CERK: variants seen among roughly 807,000 people sequenced by gnomAD.
CERK encodes acylsphingosine kinase.
A neutral mutation model predicts 63.4 loss-of-function variants in CERK; 39 were observed. That is an observed-to-expected ratio of 0.61 (90% CI 0.48 to 0.80). The LOEUF (loss-of-function observed/expected upper bound fraction) is 0.80, where lower values mean the gene tolerates loss of function less well. CERK is among the 30% of genes least tolerant of loss of function. The pLI is 0.00. For missense variants in CERK, 670 were observed against 714.1 expected, an observed-to-expected ratio of 0.94 and a Z score of 0.70; for synonymous variants, 302 against 280.0, an observed-to-expected ratio of 1.08 and a Z score of -0.78.
intron 11 of CERK, 118 bp downstream of exon 11, chr22:46,691,454 A>T (rs1159565092): frequency 2.5e-6 from 2 of 805,510 alleles, no homozygotes; most frequent in Non-Finnish European, 3.9e-6. Flanking sequence ...TAAAAAAAAA[A>T]AAGTTTGCCC....
At position 46,702,085 on chromosome 22, in the gene CERK, GC is replaced by G. The variant is rs531900554; in HGVS notation, c.716-376del. ...AATACCAGCTCCTCAGGAGGCTAAA[GC>G]AGGAGAATCGCTTGATCCCGGGAGG... is the stretch of plus-strand genomic sequence containing the variant. On this transcript the variant is annotated intron_variant, in intron 6 of 12. Coordinates refer to ENST00000216264, the MANE Select transcript of CERK (RefSeq NM_022766.6). Among the ~76,000 whole-genome samples, 619 of 150,272 alleles carry G rather than the reference GC, an allele frequency of 4.1e-3. 4 individuals are homozygous for G. Among genetic ancestry groups the G allele is most frequent in the Non-Finnish European group, 7.5e-3 (509 of 67,798 alleles).
rs1322126519 is a variant in CERK, at chr22:46,695,320, G to C, written c.944-5C>G. The C allele has an allele frequency of 6.5e-7, 1 of 1,528,680 alleles. No individual in the cohort carries two copies. 94.7% of individuals were successfully genotyped at this position (1,528,680 alleles called of 1,614,324 possible). On this transcript the variant is annotated splice_polypyrimidine_tract_variant and splice_region_variant and intron_variant, in intron 8 of 12. Coordinates refer to ENST00000216264, the MANE Select transcript of CERK (RefSeq NM_022766.6). ...GGGAGAGGAAGGTCTTTAAACCTGGGAACAGAGTGCAGTGAAGAAAAAACA... is the reference window on the plus strand; with the variant it reads ...GGGAGAGGAAGGTCTTTAAACCTGGCAACAGAGTGCAGTGAAGAAAAAACA...
chr22:46,688,883 C>T (rs540401473), intron 12 of CERK, among the ~76,000 whole-genome samples: 1 of 152,390 alleles, frequency 6.6e-6, no homozygotes, highest in African/African-American at 2.4e-5. Flanking sequence ...TACCGTTCCC[C>T]AGTCTCATGT....
At position 46,719,995 on chromosome 22, in the gene CERK, C is replaced by T. The variant is rs1601724944; in HGVS notation, c.379+91G>A. 27 of 1,522,760 alleles carry T rather than the reference C, an allele frequency of 1.8e-5. 1 individual carries two copies. Among genetic ancestry groups the T allele is most frequent in the East Asian group, 1.6e-4 (7 of 43,202 alleles). The allele number at this position is 1,522,760 out of a possible 1,614,324, so 94.3% of individuals were successfully genotyped here. ...TCCACCTGGGGTATGGCCAGCTGCA[C>T]GAAACGGGGAGACACTTCAGGAAGA... On this transcript the variant is annotated intron_variant, in intron 3 of 12. Coordinates refer to ENST00000216264, the MANE Select transcript of CERK (RefSeq NM_022766.6).
In CERK at chr22:46,691,568, T is replaced by C. The variant is rs1419596523; in HGVS notation, c.1332+4A>G. On this transcript the variant is annotated splice_donor_region_variant and intron_variant, in intron 11 of 12. Transcript: ENST00000216264. ...GAGGCTCCATGCAAGAGCACCCCAC[T>C]TACCTGGTCCTGCTGGTTGGTGTGC... The C allele has an allele frequency of 6.2e-7, 1 of 1,612,996 alleles. No homozygotes were observed. Among genetic ancestry groups the C allele is most frequent in the Non-Finnish European group, 8.5e-7 (1 of 1,179,498 alleles).
intron 8 of CERK, 95 bp downstream of exon 8, chr22:46,699,217 AC>A: frequency 1.5e-6 from 2 of 1,298,690 alleles, no homozygotes; most frequent in Non-Finnish European, 2.2e-6. Context: ...GTGGGGGCCC[AC>A]CTCTGACGGT....
intron 1 of CERK, among the ~76,000 whole-genome samples, chr22:46,731,752 C>G (rs1236841979): frequency 6.6e-6 from 1 of 152,028 alleles, no homozygotes; most frequent in African/African-American, 2.4e-5. Context: ...AGGGCCAGAT[C>G]GGGGGAGGTC....
intron 1 of CERK, among the ~76,000 whole-genome samples, chr22:46,737,528 A>T (rs1445617553): frequency 2.0e-5 from 3 of 152,178 alleles, no homozygotes; most frequent in Non-Finnish European, 4.4e-5. Context: ...CCCTTCTTTA[A>T]CTTCTTAACA....
At chr22:46,723,169 G>A (rs938940730) in intron 1 of CERK, among the ~76,000 whole-genome samples, 1 of 152,220 alleles carries the variant, frequency 6.6e-6, no homozygotes, top group African/African-American at 2.4e-5. Flanking sequence ...TCTGGCAAGA[G>A]AAAAAGACAA....
At chr22:46,724,769 C>G (rs1288941652) in intron 1 of CERK, among the ~76,000 whole-genome samples, 1 of 152,174 alleles carries the variant, frequency 6.6e-6, no homozygotes, top group African/African-American at 2.4e-5. Flanking sequence ...CCTGTAATCC[C>G]TGCACTTTGG....
rs754495071 is a variant in CERK, at chr22:46,691,575, G to C, written c.1329C>G (p.Asp443Glu). The C allele has an allele frequency of 6.2e-7, 1 of 1,613,434 alleles. No homozygotes were observed. The highest frequency in any genetic ancestry group is 8.5e-7 in the Non-Finnish European group (1 of 1,179,760). Reference sequence around the variant, plus strand: ...CATGCAAGAGCACCCCACTTACCTGGTCCTGCTGGTTGGTGTGCCTGATGA... The same window carrying C: ...CATGCAAGAGCACCCCACTTACCTGCTCCTGCTGGTTGGTGTGCCTGATGA... ...RFLIRHTNQQ[D>E]QFDFTFVEVY... The change falls in exon 11 of 13, where the codon GAC (aspartate) becomes GAG (glutamate). Residue 443 changes from aspartate (D) to glutamate (E), a missense_variant. By Grantham distance (45) the Asp-to-Glu change is conservative (BLOSUM62 2). Coordinates refer to ENST00000216264, the MANE Select transcript of CERK (RefSeq NM_022766.6).
chr22:46,686,964 G>C lies in CERK; in HGVS notation c.*170C>G, dbSNP rs1569316636. The C allele has an allele frequency of 4.6e-6, 3 of 645,708 alleles. No homozygotes were observed. 40.0% of individuals were successfully genotyped at this position (645,708 alleles called of 1,614,324 possible). ...CGCAGATGCGTACAGAACTGAAAATGCCAAATATGTACACAAAATTGTTGA... is the reference window on the plus strand; with the variant it reads ...CGCAGATGCGTACAGAACTGAAAATCCCAAATATGTACACAAAATTGTTGA... On this transcript the variant is annotated 3_prime_UTR_variant, in exon 13 of 13. Transcript: ENST00000216264.
At chr22:46,727,821 T>G (rs2082926639) in intron 1 of CERK, among the ~76,000 whole-genome samples, 1 of 116,008 alleles carries the variant, frequency 8.6e-6, no homozygotes, top group African/African-American at 2.8e-5. Context: ...AACACTCCCC[T>G]GGCCCAGCCA....
chr22:46,707,142 C>A (rs781442362), intron 6 of CERK, among the ~76,000 whole-genome samples: 2 of 152,186 alleles, frequency 1.3e-5, no homozygotes, highest in Admixed American at 6.5e-5. Context: ...GCTCACATCC[C>A]AGAGCTGTGA....
Position 46,738,192 on chromosome 22 carries a change from C to T in CERK, c.-44G>A. 2 of 1,094,658 alleles carry T rather than the reference C, an allele frequency of 1.8e-6. No homozygotes were observed. Among genetic ancestry groups the T allele is most frequent in the Non-Finnish European group, 2.2e-6 (2 of 901,574 alleles). The allele number at this position is 1,094,658 out of a possible 1,614,324, so 67.8% of individuals were successfully genotyped here. A position where few individuals can be genotyped will look rare whatever the true frequency, so the allele number is the denominator to read the frequency against. ...CCGCCAGGCTGGGGGCGCGCGGACG[C>T]CGAGGGGCGCCGGACCGTTAGCGGC... On this transcript the variant is annotated 5_prime_UTR_variant, in exon 1 of 13. Transcript: ENST00000216264.
chr22:46,720,731 A>G (rs542907674), intron 2 of CERK, among the ~76,000 whole-genome samples, 171 bp downstream of exon 2: 1 of 152,222 alleles, frequency 6.6e-6, no homozygotes, highest in South Asian at 2.1e-4. Context: ...GGGAAAAATG[A>G]CCATTAACTA....
chr22:46,710,561 G>A (rs1368286822), intron 5 of CERK, among the ~76,000 whole-genome samples: 1 of 152,082 alleles, frequency 6.6e-6, no homozygotes, highest in East Asian at 1.9e-4. Flanking sequence ...CCTTAAAAAT[G>A]TAGATGTATG....
In CERK at chr22:46,699,407, G is replaced by A. The variant is rs1033365744; in HGVS notation, c.849C>T (p.Tyr283=). Residue 283 remains tyrosine, a synonymous_variant, in exon 8 of 13, where the codon TAC becomes TAT. Transcript: ENST00000216264. ...AGCCGTAGCCCAGCAGGGACACGGA[G>A]TAGCGAAGGAGTGTGCTGTTGTGGT... is the stretch of plus-strand genomic sequence containing the variant. ...SVHHNSTLLR[Y]SVSLLGYGFY... 3.1e-6 allele frequency: 5 copies of A among 1,613,986 alleles called. No homozygotes were observed. Among genetic ancestry groups the A allele is most frequent in the Non-Finnish European group, 4.2e-6 (5 of 1,179,910 alleles).
At chr22:46,707,056 C>G (rs751736878) in intron 6 of CERK, among the ~76,000 whole-genome samples, 2 of 152,108 alleles carry the variant, frequency 1.3e-5, no homozygotes, top group Non-Finnish European at 2.9e-5. Context: ...ACCTCCAACT[C>G]TCGCTCCCAT....
Sources: gnomAD v4.1 joint callset for allele counts (sites outside exome capture counted in the v4.1 genomes callset) on GRCh38, gnomAD v4.1.1 for gene constraint, MANE v1.5 for transcripts, NCBI Gene and HGNC (gene_info 2026-07-23, HGNC 2026-07-21) for gene names.